WWOX: variants seen among roughly 807,000 people sequenced by gnomAD.
WWOX encodes the protein WW domain containing oxidoreductase.
WWOX carries 69 observed loss-of-function variants against 46.2 expected under a neutral mutation model. The observed-to-expected ratio is 1.49, with a 90% CI of 1.23 to 1.82. The LOEUF (loss-of-function observed/expected upper bound fraction) is 1.82. WWOX is among the 40% of genes most tolerant of loss of function. The pLI is 0.00. For synonymous variants in WWOX, 359 were observed against 202.6 expected, an observed-to-expected ratio of 1.77 and a Z score of -6.56; for missense variants, 919 against 542.6, an observed-to-expected ratio of 1.69 and a Z score of -6.89.
chr16:79,023,723 ACCAG>A (rs1199318545), intron 8 of WWOX, among the ~76,000 whole-genome samples: 4 of 151,086 alleles, frequency 2.6e-5, no homozygotes, highest in Admixed American at 2.6e-4. Context: ...GAAGTTCGAG[ACCAG>A]CCTGGCTGGT....
chr16:79,097,721 C>G (rs1217172895), intron 8 of WWOX, among the ~76,000 whole-genome samples: 2 of 152,088 alleles, frequency 1.3e-5, no homozygotes, highest in African/African-American at 4.8e-5. Flanking sequence ...ATAAAGGATA[C>G]TTTCTGTCTT....
intron 8 of WWOX, among the ~76,000 whole-genome samples, chr16:78,926,312 G>A (rs1160893404): frequency 1.3e-5 from 2 of 151,530 alleles, no homozygotes; most frequent in Non-Finnish European, 2.9e-5. Flanking sequence ...GGTGGAGATT[G>A]CAGTGAGCCA....
chr16:78,454,583 C>A (rs889139980), intron 8 of WWOX, among the ~76,000 whole-genome samples: 1 of 152,102 alleles, frequency 6.6e-6, no homozygotes, highest in Non-Finnish European at 1.5e-5. Context: ...TCTGCTGACC[C>A]CAAGCTCCGC....
intron 8 of WWOX, among the ~76,000 whole-genome samples, chr16:79,190,100 C>T (rs2051104002): frequency 6.6e-6 from 1 of 152,054 alleles, no homozygotes; most frequent in Non-Finnish European, 1.5e-5. Flanking sequence ...TCTCGGCTCA[C>T]TGCAACCTCA....
intron 5 of WWOX, among the ~76,000 whole-genome samples, chr16:78,337,193 T>G (rs1418627277): frequency 6.6e-6 from 1 of 152,194 alleles, no homozygotes; most frequent in Non-Finnish European, 1.5e-5. Flanking sequence ...TGTAAGACTG[T>G]GTTATTAGCA....
chr16:78,513,125 G>C (rs930953958), intron 8 of WWOX, among the ~76,000 whole-genome samples: 2 of 152,086 alleles, frequency 1.3e-5, no homozygotes, highest in African/African-American at 4.8e-5. Context: ...CATTCTCTCC[G>C]TTGGTCATGG....
intron 8 of WWOX, among the ~76,000 whole-genome samples, chr16:79,037,193 C>A (rs1029583687): frequency 6.6e-5 from 10 of 152,180 alleles, no homozygotes; most frequent in African/African-American, 2.4e-4. Context: ...TGACAGCAGT[C>A]TTGGCCCTGT....
chr16:79,153,644 T>A (rs977650937), intron 8 of WWOX, among the ~76,000 whole-genome samples: 1 of 152,184 alleles, frequency 6.6e-6, no homozygotes, highest in African/African-American at 2.4e-5. Flanking sequence ...ACCATATTAA[T>A]CATAAATTGG....
intron 8 of WWOX, among the ~76,000 whole-genome samples, chr16:78,809,699 G>A (rs1170732226): frequency 6.6e-6 from 1 of 152,174 alleles, no homozygotes; most frequent in Non-Finnish European, 1.5e-5. Context: ...GAGTGTGAAT[G>A]AGGCCATGTG....
intron 8 of WWOX, among the ~76,000 whole-genome samples, chr16:78,868,896 T>G (rs1191172344): frequency 6.6e-6 from 1 of 152,110 alleles, no homozygotes; most frequent in Non-Finnish European, 1.5e-5. Context: ...CCTTAGAAAT[T>G]TGCACTTTTC....
At chr16:78,326,142 C>G (rs1255442035) in intron 5 of WWOX, among the ~76,000 whole-genome samples, 1 of 152,142 alleles carries the variant, frequency 6.6e-6, no homozygotes, top group Non-Finnish European at 1.5e-5. Context: ...TGTACTCAAC[C>G]ATTAAATTGT....
intron 8 of WWOX, among the ~76,000 whole-genome samples, chr16:78,503,077 C>G (rs1005961504): frequency 9.2e-5 from 14 of 152,196 alleles, no homozygotes; most frequent in Non-Finnish European, 1.8e-4. Flanking sequence ...CATTGCCTTT[C>G]ATATGTTGCT....
chr16:79,081,968 T>C (rs768861370), intron 8 of WWOX, among the ~76,000 whole-genome samples: 6 of 152,176 alleles, frequency 3.9e-5, no homozygotes, highest in Non-Finnish European at 8.8e-5. Flanking sequence ...GTGGTTGATA[T>C]CAGATTCATA....
At chr16:79,022,623 A>G (rs767391230) in intron 8 of WWOX, among the ~76,000 whole-genome samples, 30 of 152,164 alleles carry the variant, frequency 2.0e-4, no homozygotes, top group Non-Finnish European at 3.8e-4. Flanking sequence ...AGTTTTAATT[A>G]CAAGTGTTCC....
rs1210079892 is a variant in WWOX, at chr16:79,140,793, C to T, written c.1057-70815C>T. Among the ~76,000 whole-genome samples, 13 of 152,150 alleles carry T rather than the reference C, an allele frequency of 8.5e-5. 1 individual carries two copies. The highest frequency in any genetic ancestry group is 8.5e-4 in the Admixed American group (13 of 15,284). On this transcript the variant is annotated intron_variant, in intron 8 of 8. Coordinates refer to ENST00000566780, the MANE Select transcript of WWOX (RefSeq NM_016373.4). ...AGGCAAGTCTGCTTGTTTCATCAAG[C>T]TGACGTTTATACTTCTGAGTAAGTA...
At chr16:79,206,144 T>G (rs79823063) in intron 8 of WWOX, 1 of 152,202 alleles carries the variant, frequency 6.6e-6, no homozygotes, top group Admixed American at 6.5e-5. Context: ...AAAATCTCCT[T>G]TTAACATTTC....
rs557482146 is a variant in WWOX, at chr16:78,597,638, A to G, written c.1056+164886A>G. Reference sequence around the variant, plus strand: ...GTTTAAAATTGTTTTTTTCTCGTTCATCTCTCTTGCTTTTATGCTTTCCAA... The same window carrying G: ...GTTTAAAATTGTTTTTTTCTCGTTCGTCTCTCTTGCTTTTATGCTTTCCAA... On this transcript the variant is annotated intron_variant, in intron 8 of 8. Coordinates refer to ENST00000566780, the MANE Select transcript of WWOX (RefSeq NM_016373.4). 6.6e-5 allele frequency among the ~76,000 whole-genome samples: 10 copies of G among 152,128 alleles called. No individual in the cohort carries two copies. In the South Asian group the frequency reaches 1.5e-3, roughly 22 times the overall value.
chr16:78,341,288 A>T lies in WWOX; in HGVS notation c.517-45572A>T, dbSNP rs1342491250. On this transcript the variant is annotated intron_variant, in intron 5 of 8. Coordinates refer to ENST00000566780, the MANE Select transcript of WWOX (RefSeq NM_016373.4). ...CCAAACTGCTGGGATTATAGGCATG[A>T]ATCGCTGTGCCTGGCCTCAACTTTA... 1.7e-5 allele frequency among the ~76,000 whole-genome samples: 2 copies of T among 120,278 alleles called. 1 individual carries two copies. The highest frequency in any genetic ancestry group is 5.6e-5 in the African/African-American group (2 of 35,580). 78.9% of individuals were successfully genotyped at this position (120,278 alleles called of 152,430 possible). A position where few individuals can be genotyped will look rare whatever the true frequency, so the allele number is the denominator to read the frequency against.
chr16:78,375,501 T>C (rs2081797881), intron 5 of WWOX, among the ~76,000 whole-genome samples: 1 of 152,246 alleles, frequency 6.6e-6, no homozygotes, highest in African/African-American at 2.4e-5. Flanking sequence ...TGACTGTGCA[T>C]CAGGTATTAG....
Sources: allele counts gnomAD v4.1 joint callset (sites outside exome capture counted in the v4.1 genomes callset), GRCh38; gene constraint gnomAD v4.1.1; transcripts MANE v1.5; gene names NCBI Gene and HGNC (gene_info 2026-07-23, HGNC 2026-07-21).